THAP3: variants seen among roughly 807,000 people sequenced by gnomAD.
The protein encoded by THAP3 is THAP domain containing 3, also known as THAP domain-containing protein 3.
A neutral mutation model predicts 17.7 loss-of-function variants in THAP3; 12 were observed. That is an observed-to-expected ratio of 0.68 (90% CI 0.43 to 1.10). The LOEUF (loss-of-function observed/expected upper bound fraction) is 1.10. Ranked by LOEUF, THAP3 falls within the 50% of genes least tolerant of loss-of-function variation. THAP3 has a pLI of 0.00. For missense variants in THAP3, 289 were observed against 318.0 expected (o/e 0.91, Z 0.69); for synonymous variants, 133 against 126.9 (o/e 1.05, Z -0.32).
At chr1:6,628,983 C>T (rs1641537451) in intron 3 of THAP3, among the ~76,000 whole-genome samples, 1 of 152,210 alleles carries the variant, frequency 6.6e-6, no homozygotes, top group African/African-American at 2.4e-5. Context: ...GGGTGGATCA[C>T]CTGAGGTCAG....
chr1:6,635,199 G>A (rs1019956033), downstream of THAP3: 6 of 172,654 alleles, frequency 3.5e-5, no homozygotes, highest in Non-Finnish European at 5.1e-5. Flanking sequence ...AGGTGGTCAT[G>A]GGAAGCCAGC....
rs764488843 is a variant in THAP3 at position 6,632,851 on chromosome 1, C to A, written c.494C>A (p.Ala165Glu). 23 of 1,612,948 alleles carry A rather than the reference C, an allele frequency of 1.4e-5. No individual in the cohort carries two copies. Among genetic ancestry groups the A allele is most frequent in the Non-Finnish European group, 1.9e-5 (22 of 1,179,898 alleles). Reference protein sequence around the residue: ...TEAVGRPTGPAGLRRTPNKQP... With the variant: ...TEAVGRPTGPEGLRRTPNKQP... ...GCTGTTGGCCGGCCGACTGGCCCTG[C>A]AGGCCTGAGAAGGACCCCCAACAAG... Residue 165 changes from alanine (A) to glutamate (E), a missense_variant, in exon 6 of 6, where the codon GCA (alanine) becomes GAA (glutamate). Transcript: ENST00000054650.
At chr1:6,627,807 T>G (rs1306248370) in intron 2 of THAP3, 2 of 152,264 alleles carry the variant, frequency 1.3e-5, no homozygotes, top group Non-Finnish European at 2.9e-5. Flanking sequence ...AAGTCTGCCC[T>G]CTCATTACCA....
downstream of THAP3, chr1:6,634,691 G>A (rs368256065): frequency 5.9e-6 from 8 of 1,366,066 alleles, no homozygotes; most frequent in South Asian, 8.0e-5. Context: ...AAGTGGGCAC[G>A]TGGAGGAAGG....
At position 6,632,496 on chromosome 1, in the gene THAP3, G is replaced by GT. The variant is rs1641645392; in HGVS notation, c.438+2dup. On this transcript the variant is annotated splice_donor_variant, in intron 5 of 5. Coordinates refer to ENST00000054650, the MANE Select transcript of THAP3 (RefSeq NM_001195753.2). LOFTEE classifies it high-confidence loss of function. ...AAATGCCGAAGGCCACGTAAAACAGGTAAGACTGAGTGCAAAGGTGGTCTG... is the reference window on the plus strand; with the variant it reads ...AAATGCCGAAGGCCACGTAAAACAGGTTAAGACTGAGTGCAAAGGTGGTCTG... 6.2e-7 allele frequency: 1 copy of GT among 1,614,016 alleles called. No individual in the cohort carries two copies. Among genetic ancestry groups the GT allele is most frequent in the African/African-American group, 1.3e-5 (1 of 74,940 alleles).
rs753867014 is a variant in THAP3, at chr1:6,625,222, C to G, written c.4C>G (p.Pro2Ala). 1.4e-4 allele frequency: 221 copies of G among 1,542,440 alleles called. No homozygotes were observed. The highest frequency in any genetic ancestry group is 2.1e-4 in the Middle Eastern group (1 of 4,734). M[P>A]KSCAARQCCN... ...GGGCAGCCAGGCCTGGCTCGAGATG[C>G]CGAAGTCGTGCGCGGCCCGGCAGTG... Residue 2 changes from proline (P) to alanine (A), a missense_variant, in exon 2 of 6, where the codon CCG becomes GCG. Physicochemically the swap from Pro to Ala is conservative, Grantham distance 27. Transcript: ENST00000054650.
At chr1:6,634,168 T>C, downstream of THAP3, 5 of 1,342,292 alleles carry the variant, frequency 3.7e-6, no homozygotes, top group Non-Finnish European at 4.2e-6. Flanking sequence ...AGCGCCAGCC[T>C]CTGCTTTCAG....
rs1179478135 is a variant in THAP3 at position 6,628,685 on chromosome 1, C to T, written c.261C>T (p.Pro87=). The change falls in exon 3 of 6, where the codon CCC becomes CCT. Residue 87 remains proline, a synonymous_variant. Coordinates refer to ENST00000054650, the MANE Select transcript of THAP3 (RefSeq NM_001195753.2). ...AVPTVFAFQD[P]TQQVRENTDP... ...CCACGGTGTTCGCCTTTCAGGACCC[C>T]ACACAGGTAGGAGGGCACTGCACCT... 2 of 1,612,480 alleles carry T rather than the reference C, an allele frequency of 1.2e-6. No individual in the cohort carries two copies. Among genetic ancestry groups the T allele is most frequent in the South Asian group, 2.2e-5 (2 of 90,908 alleles).
intron 1 of THAP3, 97 bp from the exon 2 acceptor site, chr1:6,625,053 C>T (rs979914714): frequency 1.3e-6 from 1 of 752,138 alleles, no homozygotes; most frequent in Non-Finnish European, 2.1e-6. Context: ...CCGTCCGACC[C>T]TGGGGAGACG....
rs766150980 is a variant in THAP3 at position 6,633,121 on chromosome 1, C to T, written c.*44C>T. On this transcript the variant is annotated 3_prime_UTR_variant, in exon 6 of 6. Transcript: ENST00000054650. ...GCAGAGGTGGCAGTGGCACCAGGGC[C>T]GGCAGAGCTTTGGAGCTCTGGCTGT... 3.5e-5 allele frequency: 54 copies of T among 1,554,572 alleles called. No individual in the cohort carries two copies. Among genetic ancestry groups the T allele is most frequent in the Non-Finnish European group, 4.3e-5 (50 of 1,150,850 alleles).
chr1:6,630,308 C>A lies in THAP3; in HGVS notation c.288C>A (p.Asp96Glu), dbSNP rs1641574232. Residue 96 changes from aspartate (D) to glutamate (E), a missense_variant, in exon 4 of 6, where the codon GAC becomes GAA. Physicochemically the swap from Asp to Glu is conservative, Grantham distance 45 (BLOSUM62 2). Transcript: ENST00000054650. ...TGTAGCAGGTGAGGGAGAACACAGA[C>A]CCTGCCAGTGAGAGAGGAAATGCCA... The part of the protein sequence containing the change: ...DPTQQVRENT[D>E]PASERGNASS... 1.2e-6 allele frequency: 2 copies of A among 1,614,130 alleles called. No homozygotes were observed. The highest frequency in any genetic ancestry group is 1.7e-5 in the Admixed American group (1 of 60,006).
chr1:6,625,419 G>GCCGAGT, intron 2 of THAP3, 127 bp downstream of exon 2: 2 of 812,928 alleles, frequency 2.5e-6, no homozygotes, highest in Non-Finnish European at 3.3e-6. Context: ...ACAGGCCGAG[G>GCCGAGT]TCCTGGGCCC....
chr1:6,630,433 G>A (rs1641578654), intron 4 of THAP3, 80 bp downstream of exon 4: 2 of 1,474,942 alleles, frequency 1.4e-6, no homozygotes, highest in Admixed American at 3.4e-5. Flanking sequence ...TCCCAGCAAG[G>A]CCGGCCCGCA....
At chr1:6,634,599 G>A (rs767880909), downstream of THAP3, 15 of 1,366,064 alleles carry the variant, frequency 1.1e-5, no homozygotes, top group East Asian at 9.1e-5. Flanking sequence ...TCCAGGCCCC[G>A]AGAGACAGGC....
At chr1:6,628,804 A>G in intron 3 of THAP3, 113 bp downstream of exon 3, 2 of 1,072,390 alleles carry the variant, frequency 1.9e-6, no homozygotes, top group Non-Finnish European at 2.7e-6. Context: ...CAAGAACTCC[A>G]GTGACAACAG....
chr1:6,633,269 C>A lies in THAP3; in HGVS notation c.*192C>A. 1 of 1,434,400 alleles carries A rather than the reference C, an allele frequency of 7.0e-7. No homozygotes were observed. The highest frequency in any genetic ancestry group is 2.5e-5 in the East Asian group (1 of 39,882). The allele number at this position is 1,434,400 out of a possible 1,614,324, so 88.9% of individuals were successfully genotyped here. ...ATGCCGTCTGGGGGACGTTTAGAGG[C>A]GTGGCACTAGGAGTGCACATCTGTG... On this transcript the variant is annotated 3_prime_UTR_variant, in exon 6 of 6. Transcript: ENST00000054650.
chr1:6,626,200 C>T lies in THAP3; in HGVS notation c.74+908C>T, dbSNP rs117697459. Among the ~76,000 whole-genome samples the T allele has an allele frequency of 1.0e-3, 155 of 152,192 alleles. 1 individual carries two copies. In the East Asian group the frequency reaches 0.028, roughly 27 times the overall value. The stretch of plus-strand genomic sequence containing the variant: ...TGGTGTGCCCCTGTAGTCCCAGCTG[C>T]TCGGGAGACTGAAGTAGGAGGATCG... On this transcript the variant is annotated intron_variant, in intron 2 of 5. Coordinates refer to ENST00000054650, the MANE Select transcript of THAP3 (RefSeq NM_001195753.2).
chr1:6,625,300 GC>G lies in THAP3; in HGVS notation c.74+9del. 6.5e-7 allele frequency: 1 copy of G among 1,530,690 alleles called. No individual in the cohort carries two copies. Among genetic ancestry groups the G allele is most frequent in the African/African-American group, 1.4e-5 (1 of 69,966 alleles). The allele number at this position is 1,530,690 out of a possible 1,614,324, so 94.8% of individuals were successfully genotyped here. On this transcript the variant is annotated intron_variant, in intron 2 of 5. Transcript: ENST00000054650. ...GCAGCTCACCTTCCACCGGTAAGAG[GC>G]GGGGACCCGGGGGCGCGGGAGGCCC...
chr1:6,630,184 G>A (rs1382798713), intron 3 of THAP3, 104 bp from the exon 4 acceptor site: 7 of 960,178 alleles, frequency 7.3e-6, no homozygotes, highest in Non-Finnish European at 1.0e-5. Flanking sequence ...GTTGACTGGG[G>A]CATGCAGTGG....
Sources: allele counts gnomAD v4.1 joint callset (sites outside exome capture counted in the v4.1 genomes callset), GRCh38; gene constraint gnomAD v4.1.1; transcripts MANE v1.5; gene names NCBI Gene and HGNC (gene_info 2026-07-23, HGNC 2026-07-21).